Variants in RGS12 observed in about 807,000 individuals in gnomAD.
RGS12 encodes the protein regulator of G-protein signaling 12.
A neutral mutation model predicts 120.1 loss-of-function variants in RGS12; 66 were observed. The ratio of observed to expected loss-of-function variants is 0.55; its 90% CI spans 0.45 to 0.67. The LOEUF (loss-of-function observed/expected upper bound fraction) is 0.67. Among genes scored for constraint, RGS12 ranks in the 30% least tolerant of loss-of-function variants. RGS12 has a pLI of 0.00. For missense variants in RGS12, 1,859 were observed against 1,957.7 expected, an observed-to-expected ratio of 0.95 and a Z score of 0.95; for synonymous variants, 827 against 804.7, an observed-to-expected ratio of 1.03 and a Z score of -0.47.
chr4:3,386,038 C>T (rs947169834), intron 3 of RGS12: 5 of 260,124 alleles, frequency 1.9e-5, no homozygotes, highest in South Asian at 1.3e-4. Context: ...GGTGGCGTCA[C>T]GGCACGTGGG....
chr4:3,294,540 A>G (rs1280753927), intron 1 of RGS12, among the ~76,000 whole-genome samples: 1 of 152,202 alleles, frequency 6.6e-6, no homozygotes, highest in Non-Finnish European at 1.5e-5. Context: ...ACTTGAGATG[A>G]TGGGTATCCG....
chr4:3,416,202 A>T, intron 7 of RGS12, 81 bp downstream of exon 7: 1 of 1,509,638 alleles, frequency 6.6e-7, no homozygotes, highest in Non-Finnish European at 9.0e-7. Context: ...AACACGTGCT[A>T]TCAGGCAGGC....
intron 3 of RGS12, among the ~76,000 whole-genome samples, chr4:3,348,670 T>C (rs1043232958): frequency 2.0e-5 from 3 of 152,216 alleles, no homozygotes; most frequent in African/African-American, 7.2e-5. Flanking sequence ...ATGTACAGAA[T>C]CGAGTTATAC....
At chr4:3,400,810 C>T (rs1019171384) in intron 4 of RGS12, among the ~76,000 whole-genome samples, 2 of 148,654 alleles carry the variant, frequency 1.3e-5, no homozygotes, top group African/African-American at 2.5e-5. Flanking sequence ...TCCTTTTTTA[C>T]AAAGTTATAC....
Position 3,414,834 on chromosome 4 carries a change from A to C in RGS12, c.2273A>C (p.Asp758Ala), listed in dbSNP as rs749046602. The C allele has an allele frequency of 1.2e-5, 19 of 1,612,686 alleles. No individual in the cohort carries two copies. The Middle Eastern group carries it at 2.6e-3, about 224-fold the overall frequency. ...CEYFNHVPAH[D>A]KKELSYRARE... The stretch of plus-strand genomic sequence containing the variant: ...TATTTTAATCATGTTCCTGCACATG[A>C]CAAAAAGGAGGTAAGTCCACGCTTG... Residue 758 changes from aspartate (D) to alanine (A), a missense_variant, in exon 6 of 18, where the codon GAC becomes GCC. Coordinates refer to ENST00000336727, the MANE Select transcript of RGS12 (RefSeq NM_001394154.1).
chr4:3,370,007 T>G, intron 3 of RGS12: 2 of 1,238,974 alleles, frequency 1.6e-6, no homozygotes, highest in Non-Finnish European at 2.0e-6. Flanking sequence ...ATTCTTCTGA[T>G]TTGGTAGAGG....
At chr4:3,411,982 G>A (rs945513686) in intron 4 of RGS12, among the ~76,000 whole-genome samples, 1 of 152,208 alleles carries the variant, frequency 6.6e-6, no homozygotes, top group African/African-American at 2.4e-5. Context: ...TTCAGTGCGT[G>A]CTGGCGGCCA....
At chr4:3,384,374 G>A (rs2108957321) in intron 3 of RGS12, among the ~76,000 whole-genome samples, 1 of 152,244 alleles carries the variant, frequency 6.6e-6, no homozygotes, top group East Asian at 1.9e-4. Context: ...GGCTGGTCTC[G>A]AACTCCTGAC....
intron 4 of RGS12, among the ~76,000 whole-genome samples, chr4:3,391,255 CTG>C (rs1719467517): frequency 6.6e-6 from 1 of 152,214 alleles, no homozygotes; most frequent in Non-Finnish European, 1.5e-5. Context: ...AGGAGTCAGA[CTG>C]GAGATTTTCA....
chr4:3,403,346 C>T (rs1180908669), intron 4 of RGS12, among the ~76,000 whole-genome samples: 3 of 152,194 alleles, frequency 2.0e-5, no homozygotes, highest in Non-Finnish European at 4.4e-5. Context: ...GTCCGTGAGA[C>T]CTGCCAGGCG....
chr4:3,416,781 G>A lies in RGS12; in HGVS notation c.2428-132G>A, dbSNP rs1722446981. 7 of 804,040 alleles carry A rather than the reference G, an allele frequency of 8.7e-6. No individual in the cohort carries two copies. The South Asian group carries it at 9.4e-5, about 11-fold the overall frequency. The allele number at this position is 804,040 out of a possible 1,614,324, so 49.8% of individuals were successfully genotyped here. A position where few individuals can be genotyped will look rare whatever the true frequency, so the allele number is the denominator to read the frequency against. On this transcript the variant is annotated intron_variant, in intron 7 of 17. Coordinates refer to ENST00000336727, the MANE Select transcript of RGS12 (RefSeq NM_001394154.1). ...CTTAAGTACCCTCAGGGCTGGCGGG[G>A]GAAAATGGACTGAAACGATGTCCTT...
At chr4:3,310,400 A>G (rs1447446991) in intron 1 of RGS12, among the ~76,000 whole-genome samples, 1 of 152,198 alleles carries the variant, frequency 6.6e-6, no homozygotes, top group Admixed American at 6.5e-5. Context: ...CACCCCAAGA[A>G]GGGAAGTGTG....
At chr4:3,397,392 G>T (rs759821419) in intron 4 of RGS12, among the ~76,000 whole-genome samples, 3 of 152,240 alleles carry the variant, frequency 2.0e-5, no homozygotes, top group Non-Finnish European at 2.9e-5. Context: ...AGATGGGTGA[G>T]GATTAACCCT....
In RGS12 at chr4:3,430,712, G is replaced by A. The variant is rs768329333; in HGVS notation, c.3871G>A (p.Gly1291Arg). ...PPGPPGTTPP[G>R]QKSPSGPFCT... ...TGGACCTCCTGGGACGACCCCCCCC[G>A]GGCAGAAGTCTCCCAGCGGGCCCTT... Residue 1291 changes from glycine to arginine, a missense_variant, in exon 17 of 18, where the codon GGG (glycine) becomes AGG (arginine). By Grantham distance (125) the Gly-to-Arg change is moderately radical. Coordinates refer to ENST00000336727, the MANE Select transcript of RGS12 (RefSeq NM_001394154.1). 4.5e-5 allele frequency: 71 copies of A among 1,581,038 alleles called. No individual in the cohort carries two copies. The highest frequency in any genetic ancestry group is 5.3e-5 in the Non-Finnish European group (62 of 1,163,638).
chr4:3,294,394 C>A (rs550163797), intron 1 of RGS12, among the ~76,000 whole-genome samples: 4 of 152,274 alleles, frequency 2.6e-5, no homozygotes, highest in Non-Finnish European at 5.9e-5. Flanking sequence ...GAGAAGGCGA[C>A]GTGGGGAGGG....
chr4:3,362,876 T>A lies in RGS12; in HGVS notation c.1998+19823T>A, dbSNP rs76948071. Among the ~76,000 whole-genome samples, 84 of 124,910 alleles carry A rather than the reference T, an allele frequency of 6.7e-4. 2 individuals carry two copies. In the Middle Eastern group the frequency reaches 0.023, roughly 34 times the overall value. The allele number at this position is 124,910 out of a possible 152,430, so 81.9% of individuals were successfully genotyped here. Reference sequence around the variant, plus strand: ...GGGTGTGTGTGTGCGAGGGTGTGTGTGTGTGAGAGCATGTGTGCATCAGTG... The same window carrying A: ...GGGTGTGTGTGTGCGAGGGTGTGTGAGTGTGAGAGCATGTGTGCATCAGTG... On this transcript the variant is annotated intron_variant, in intron 3 of 17. Transcript: ENST00000336727.
intron 1 of RGS12, among the ~76,000 whole-genome samples, chr4:3,309,958 C>T (rs61367409): frequency 1.3e-4 from 14 of 107,690 alleles, no homozygotes; most frequent in South Asian, 6.7e-4. Context: ...GGGAACCGTG[C>T]AGGGGAGGAG....
chr4:3,420,881 G>T (rs1722944079), intron 10 of RGS12, among the ~76,000 whole-genome samples, 163 bp downstream of exon 10: 1 of 152,270 alleles, frequency 6.6e-6, no homozygotes, highest in Non-Finnish European at 1.5e-5. Context: ...GTGGCAAAGT[G>T]CAGGGTGGCC....
In RGS12 at chr4:3,381,984, C is replaced by T. The variant is rs1421748404; in HGVS notation, c.1999-4432C>T. ...CTGTATGTGAAGGCCAGAGGCTTCCCTGCCAGCACCCAGCACCACTTTGTA... is the reference window on the plus strand; with the variant it reads ...CTGTATGTGAAGGCCAGAGGCTTCCTTGCCAGCACCCAGCACCACTTTGTA... On this transcript the variant is annotated intron_variant, in intron 3 of 17. Coordinates refer to ENST00000336727, the MANE Select transcript of RGS12 (RefSeq NM_001394154.1). Among the ~76,000 whole-genome samples the T allele has an allele frequency of 3.9e-5, 6 of 152,352 alleles. No individual in the cohort carries two copies. In the East Asian group the frequency reaches 9.6e-4, roughly 24 times the overall value.
Sources: allele counts gnomAD v4.1 joint callset (sites outside exome capture counted in the v4.1 genomes callset), GRCh38; gene constraint gnomAD v4.1.1; transcripts MANE v1.5; gene names NCBI Gene and HGNC (gene_info 2026-07-23, HGNC 2026-07-21).